The following C12orf42 variants were observed in gnomAD, a reference collection of about 807,000 sequenced individuals.
C12orf42 encodes the protein uncharacterized protein C12orf42.
C12orf42 carries 25 observed loss-of-function variants against 21.6 expected under a neutral mutation model. The observed-to-expected ratio is 1.16, with a 90% confidence interval of 0.84 to 1.62. The LOEUF is 1.62. Ranked by LOEUF, C12orf42 falls within the 40% of genes most tolerant of loss-of-function variation. The pLI is 0.00. For missense variants in C12orf42, 483 were observed against 459.3 expected (o/e 1.05, Z -0.47); for synonymous variants, 174 against 175.0 (o/e 0.99, Z 0.05).
At chr12:103,515,703 T>C in the C12orf42 span, among the ~76,000 whole-genome samples, 1 of 152,204 alleles carries the variant, frequency 6.6e-6, no homozygotes, top group Non-Finnish European at 1.5e-5. Context: ...TACTTTCAAA[T>C]GTATGCTGAG....
At chr12:103,173,290 A>C in the C12orf42 span, among the ~76,000 whole-genome samples, 4 of 152,214 alleles carry the variant, frequency 2.6e-5, no homozygotes. Context: ...CAGAGAGTCT[A>C]AGTGATACTT....
At chr12:103,218,883 A>T in the C12orf42 span, among the ~76,000 whole-genome samples, 1 of 152,262 alleles carries the variant, frequency 6.6e-6, no homozygotes, top group Non-Finnish European at 1.5e-5. Flanking sequence ...TTTACATTTG[A>T]ATTGTTACCA....
At chr12:103,485,208 GCA>G (rs1186383762) in intron 1 of C12orf42, among the ~76,000 whole-genome samples, 2 of 152,090 alleles carry the variant, frequency 1.3e-5, no homozygotes, top group African/African-American at 4.8e-5. Flanking sequence ...AGTTTTCCCA[GCA>G]CCATTTATTA....
the C12orf42 span, among the ~76,000 whole-genome samples, chr12:103,135,593 G>C: frequency 6.6e-6 from 1 of 152,090 alleles, no homozygotes; most frequent in South Asian, 2.1e-4. Context: ...CTGATAGACT[G>C]ACAAGAATAA....
At chr12:103,240,602 A>G (rs1181226081) in intron 10 of C12orf42, among the ~76,000 whole-genome samples, 2 of 152,146 alleles carry the variant, frequency 1.3e-5, no homozygotes, top group Admixed American at 6.6e-5. Context: ...TGGAGTCTTT[A>G]TTTAATGCCA....
At chr12:103,160,367 T>A in the C12orf42 span, among the ~76,000 whole-genome samples, 22 of 152,238 alleles carry the variant, frequency 1.4e-4, no homozygotes, top group African/African-American at 2.4e-5. Flanking sequence ...GAAGTCAATG[T>A]GAAAGGTTTA....
chr12:103,537,877 G>T, the C12orf42 span, among the ~76,000 whole-genome samples: 110,959 of 152,096 alleles, frequency 0.73, 40,854 homozygotes, highest in South Asian at 0.84. Flanking sequence ...ATGGATTTCC[G>T]GTTAATTAAG....
intron 3 of C12orf42, among the ~76,000 whole-genome samples, chr12:103,387,306 T>A (rs2046695388): frequency 6.6e-6 from 1 of 152,164 alleles, no homozygotes; most frequent in African/African-American, 2.4e-5. Context: ...ATGCTTCATC[T>A]CCTTCACCTC....
At chr12:103,495,422 T>TCCCTCCCCCAC in intron 1 of C12orf42, among the ~76,000 whole-genome samples, 1 of 144,010 alleles carries the variant, frequency 6.9e-6, no homozygotes, top group Non-Finnish European at 1.5e-5. Flanking sequence ...CCTCCCCCGC[T>TCCCTCCCCCAC]CCCTCCCCCA....
At chr12:103,073,372 C>T in the C12orf42 span, among the ~76,000 whole-genome samples, 74 of 152,064 alleles carry the variant, frequency 4.9e-4, no homozygotes, top group South Asian at 0.015. Flanking sequence ...GAAAATGCTC[C>T]CTCAGTGGCC....
At chr12:103,097,364 G>A in the C12orf42 span, among the ~76,000 whole-genome samples, 2 of 152,138 alleles carry the variant, frequency 1.3e-5, no homozygotes, top group South Asian at 2.1e-4. Flanking sequence ...AGTAGACAAA[G>A]GCTTTAGCAT....
the C12orf42 span, among the ~76,000 whole-genome samples, chr12:103,171,250 A>G: frequency 6.6e-6 from 1 of 152,156 alleles, no homozygotes; most frequent in African/African-American, 2.4e-5. Flanking sequence ...AATAACTGAG[A>G]TTATATAAAC....
the C12orf42 span, among the ~76,000 whole-genome samples, chr12:103,513,814 T>C: frequency 1.3e-5 from 2 of 152,090 alleles, no homozygotes; most frequent in East Asian, 3.8e-4. Context: ...TAAGAGCCAG[T>C]GTCTGCCTTC....
At chr12:103,327,159 C>T (rs7975056) in intron 4 of C12orf42, among the ~76,000 whole-genome samples, 1 of 152,006 alleles carries the variant, frequency 6.6e-6, no homozygotes, top group Non-Finnish European at 1.5e-5. Flanking sequence ...TGGGACCTTC[C>T]GGTTTCTCCT....
the C12orf42 span, among the ~76,000 whole-genome samples, chr12:103,204,649 G>A: frequency 4.9e-4 from 74 of 152,200 alleles, no homozygotes; most frequent in Middle Eastern, 3.4e-3. Context: ...ACAAGATATC[G>A]TCTCATCACA....
chr12:103,439,181 G>C (rs1950993710), intron 2 of C12orf42, among the ~76,000 whole-genome samples: 1 of 151,174 alleles, frequency 6.6e-6, no homozygotes, highest in South Asian at 2.1e-4. Flanking sequence ...TTAATAAATG[G>C]TGCTGGGAAA....
At chr12:103,169,859 G>A in the C12orf42 span, among the ~76,000 whole-genome samples, 3 of 152,166 alleles carry the variant, frequency 2.0e-5, no homozygotes, top group Non-Finnish European at 4.4e-5. Context: ...CAAGGTTAGA[G>A]CAATGGTTCA....
chr12:103,082,293 A>G, the C12orf42 span, among the ~76,000 whole-genome samples: 1 of 152,226 alleles, frequency 6.6e-6, no homozygotes, highest in Non-Finnish European at 1.5e-5. Context: ...TGTTAATTAT[A>G]CCAGAGTAGC....
At chr12:103,059,103 G>A in the C12orf42 span, among the ~76,000 whole-genome samples, 1 of 152,034 alleles carries the variant, frequency 6.6e-6, no homozygotes, top group African/African-American at 2.4e-5. Flanking sequence ...GAAGAAAAGA[G>A]AGAAGAATCA....
Sources: gnomAD v4.1 joint callset for allele counts (sites outside exome capture counted in the v4.1 genomes callset) on GRCh38, gnomAD v4.1.1 for gene constraint, MANE v1.5 for transcripts, NCBI Gene and HGNC (gene_info 2026-07-23, HGNC 2026-07-21) for gene names.